Variants in HECW2 observed in about 807,000 individuals in gnomAD.
HECW2 encodes the protein E3 ubiquitin-protein ligase HECW2.
In HECW2, 61 loss-of-function variants were observed where a neutral mutation model predicts 175.2. The observed-to-expected ratio is 0.35, with a 90% CI of 0.28 to 0.43. HECW2 has a LOEUF of 0.43. Among genes scored for constraint, HECW2 ranks in the 20% least tolerant of loss-of-function variants. The pLI is 1.00. For missense variants in HECW2, 1,524 were observed against 2,000.5 expected, an observed-to-expected ratio of 0.76 and a Z score of 4.54; for synonymous variants, 671 against 731.0, an observed-to-expected ratio of 0.92 and a Z score of 1.32.
intron 2 of HECW2, among the ~76,000 whole-genome samples, chr2:196,360,409 G>A (rs938981152): frequency 6.6e-6 from 1 of 152,186 alleles, no homozygotes; most frequent in African/African-American, 2.4e-5. Flanking sequence ...CATGGATGGA[G>A]CTGGAGGCCA....
intron 28 of HECW2, among the ~76,000 whole-genome samples, chr2:196,202,491 G>A (rs1220151429): frequency 6.6e-6 from 1 of 152,132 alleles, no homozygotes; most frequent in Admixed American, 6.5e-5. Flanking sequence ...CCTTTAAAAG[G>A]GTGGTTATAT....
chr2:196,370,165 AG>A (rs796876777), intron 2 of HECW2, among the ~76,000 whole-genome samples: 5 of 152,146 alleles, frequency 3.3e-5, no homozygotes, highest in African/African-American at 1.2e-4. Flanking sequence ...AGTCTCAGCA[AG>A]GCCCATGGTG....
At chr2:196,293,230 C>T (rs1690672042) in intron 13 of HECW2, among the ~76,000 whole-genome samples, 1 of 152,198 alleles carries the variant, frequency 6.6e-6, no homozygotes, top group Admixed American at 6.5e-5. Context: ...TCAGCTCCCA[C>T]TTATAAGTGA....
chr2:196,497,520 G>A (rs911027278), intron 1 of HECW2, among the ~76,000 whole-genome samples: 3 of 152,014 alleles, frequency 2.0e-5, no homozygotes, highest in Non-Finnish European at 2.9e-5. Context: ...ATGCACTGTC[G>A]GGATCCAGAA....
At chr2:196,422,858 G>A (rs925710769) in intron 2 of HECW2, among the ~76,000 whole-genome samples, 16 of 152,070 alleles carry the variant, frequency 1.1e-4, no homozygotes, top group African/African-American at 3.4e-4. Flanking sequence ...CTATTCTGAA[G>A]ATGAAAAACC....
At chr2:196,420,190 A>G (rs1053232542) in intron 2 of HECW2, among the ~76,000 whole-genome samples, 29 of 152,342 alleles carry the variant, frequency 1.9e-4, no homozygotes, top group African/African-American at 6.0e-4. Context: ...CTGAGTTACA[A>G]TACTCTGGTT....
intron 2 of HECW2, among the ~76,000 whole-genome samples, chr2:196,376,621 G>T (rs1438056157): frequency 8.8e-6 from 1 of 113,012 alleles, no homozygotes; most frequent in Non-Finnish European, 1.8e-5. Context: ...GGGCAACAGA[G>T]CAAGACTCTG....
chr2:196,530,840 G>A (rs185257661), intron 1 of HECW2, among the ~76,000 whole-genome samples: 80 of 152,294 alleles, frequency 5.3e-4, no homozygotes, highest in African/African-American at 1.9e-3. Context: ...ATTGTAATTT[G>A]TGGCCTCCTT....
At chr2:196,211,039 C>T (rs1327892410) in intron 28 of HECW2, among the ~76,000 whole-genome samples, 2 of 152,210 alleles carry the variant, frequency 1.3e-5, no homozygotes, top group African/African-American at 4.8e-5. Flanking sequence ...TCATAATTAA[C>T]TCTTACAATT....
intron 14 of HECW2, among the ~76,000 whole-genome samples, chr2:196,283,948 A>G (rs1199948940): frequency 2.6e-5 from 4 of 152,100 alleles, no homozygotes; most frequent in Non-Finnish European, 5.9e-5. Context: ...ATTTGAACCC[A>G]TGTTTCTGTC....
chr2:196,551,362 T>C (rs1331382592), intron 1 of HECW2, among the ~76,000 whole-genome samples: 5 of 152,188 alleles, frequency 3.3e-5, no homozygotes. Context: ...AAATACTCTT[T>C]TTTGCAAACA....
At chr2:196,258,123 T>C (rs1226950609) in intron 17 of HECW2, 2 of 528,284 alleles carry the variant, frequency 3.8e-6, no homozygotes, top group African/African-American at 1.9e-5. Flanking sequence ...AGTTCTAATG[T>C]TGTGGGGAGA....
intron 5 of HECW2, among the ~76,000 whole-genome samples, chr2:196,329,206 T>C (rs1304539210): frequency 6.6e-6 from 1 of 152,190 alleles, no homozygotes; most frequent in African/African-American, 2.4e-5. Context: ...TAAAGAAGTA[T>C]ATTGGCTTTT....
chr2:196,369,719 G>A (rs1693854691), intron 2 of HECW2, among the ~76,000 whole-genome samples: 1 of 152,094 alleles, frequency 6.6e-6, no homozygotes, highest in South Asian at 2.1e-4. Context: ...CTGCAGCTGA[G>A]CTGGCACCCA....
At position 196,319,302 on chromosome 2, in the gene HECW2, G is replaced by A. The variant is rs147537986; in HGVS notation, c.1588C>T (p.Pro530Ser). ...TCTGCAAGCTCTGGAAGATTTTCTGGCTTATCCTCAAAGGAAGCAGCTTCG... is the reference window on the plus strand; with the variant it reads ...TCTGCAAGCTCTGGAAGATTTTCTGACTTATCCTCAAAGGAAGCAGCTTCG... ...THEAASFEDKPENLPELAESS... is the reference protein window; with the variant it reads ...THEAASFEDKSENLPELAESS... The change falls in exon 9 of 29, where the codon CCA (proline) becomes TCA (serine). Residue 530 changes from proline to serine, a missense_variant. Physicochemically the swap from Pro to Ser is moderately conservative, Grantham distance 74 (BLOSUM62 -1). This residue lies in a region of HECW2 where 604 missense variants were observed against 588.3 expected (regional missense o/e 1.03). Transcript: ENST00000644978. 1.3e-5 allele frequency: 21 copies of A among 1,613,174 alleles called. No homozygotes were observed. In the African/African-American group the frequency reaches 2.8e-4, roughly 22 times the overall value.
chr2:196,225,515 C>T (rs1002370776), intron 23 of HECW2, among the ~76,000 whole-genome samples: 1 of 152,124 alleles, frequency 6.6e-6, no homozygotes, highest in Non-Finnish European at 1.5e-5. Flanking sequence ...GAAACACATG[C>T]TGCAACAAAT....
chr2:196,443,407 T>A (rs1696094856), intron 1 of HECW2, among the ~76,000 whole-genome samples: 1 of 152,190 alleles, frequency 6.6e-6, no homozygotes, highest in African/African-American at 2.4e-5. Flanking sequence ...TACTCATTTA[T>A]CTAAATACAG....
intron 28 of HECW2, among the ~76,000 whole-genome samples, chr2:196,207,318 T>C (rs1687105520): frequency 6.6e-6 from 1 of 152,216 alleles, no homozygotes; most frequent in South Asian, 2.1e-4. Context: ...AATAGAGTGA[T>C]CGAATTCCAT....
intron 3 of HECW2, among the ~76,000 whole-genome samples, chr2:196,337,798 G>A (rs936709133): frequency 4.6e-5 from 7 of 151,988 alleles, no homozygotes; most frequent in South Asian, 2.1e-4. Flanking sequence ...ACCTGATATC[G>A]GCTGAGCCAG....
Sources: allele counts gnomAD v4.1 joint callset (sites outside exome capture counted in the v4.1 genomes callset), GRCh38; gene constraint gnomAD v4.1.1; regional missense constraint gnomAD v4.1.1; transcripts MANE v1.5; gene names NCBI Gene and HGNC (gene_info 2026-07-23, HGNC 2026-07-21).